Variants in CACNA1C observed in about 807,000 individuals in gnomAD.
The protein encoded by CACNA1C is voltage-dependent L-type calcium channel subunit alpha-1C.
Under a neutral mutation model 229.0 loss-of-function variants are expected in CACNA1C, and 30 were observed. The observed-to-expected ratio is 0.13, with a 90% CI of 0.10 to 0.18. The LOEUF is 0.18. Ranked by LOEUF, CACNA1C falls within the 10% of genes least tolerant of loss-of-function variation. The pLI is 1.00. For synonymous variants in CACNA1C, 1,114 were observed against 1,132.5 expected (o/e 0.98, Z 0.33); for missense variants, 1,658 against 2,845.0 (o/e 0.58, Z 9.49).
intron 29 of CACNA1C, among the ~76,000 whole-genome samples, chr12:2,616,378 G>A (rs115757096): frequency 1.5e-3 from 229 of 152,328 alleles, no homozygotes; most frequent in African/African-American, 5.1e-3. Flanking sequence ...AGAAGTTGAC[G>A]CATATATAGT....
intron 39 of CACNA1C, chr12:2,676,321 G>T (rs954330533): frequency 3.3e-5 from 5 of 151,766 alleles, no homozygotes; most frequent in African/African-American, 1.2e-4. Context: ...GGACAGGTAG[G>T]AGGAGGAGAA....
intron 3 of CACNA1C, among the ~76,000 whole-genome samples, chr12:2,446,346 A>G (rs2099279374): frequency 7.2e-6 from 1 of 139,776 alleles, no homozygotes. Context: ...GGGTATATAT[A>G]TGTATGTATG....
chr12:2,152,492 G>T lies in CACNA1C; in HGVS notation c.477+32062G>T, dbSNP rs890294991. Among the ~76,000 whole-genome samples the T allele has an allele frequency of 1.4e-4, 21 of 152,178 alleles. No homozygotes were observed. Among genetic ancestry groups the T allele is most frequent in the African/African-American group, 5.1e-4 (21 of 41,438 alleles). Reference sequence around the variant, plus strand: ...CCATTTCATATCATGCAGACTAAAAGACCCTTTCCAGGTGCTGGAGCAACC... The same window carrying T: ...CCATTTCATATCATGCAGACTAAAATACCCTTTCCAGGTGCTGGAGCAACC... On this transcript the variant is annotated intron_variant, in intron 3 of 46. Coordinates refer to ENST00000399655, the MANE Select transcript of CACNA1C (RefSeq NM_000719.7). This position sits in a 1 kb window ranked among gnomAD's most constrained non-coding sequence, Gnocchi z 4.2.
At chr12:2,636,400 G>A (rs961673874) in intron 30 of CACNA1C, among the ~76,000 whole-genome samples, 2 of 152,168 alleles carry the variant, frequency 1.3e-5, no homozygotes, top group African/African-American at 4.8e-5. Context: ...GCATTTTCTA[G>A]GATATAAAAT....
intron 1 of CACNA1C, among the ~76,000 whole-genome samples, chr12:2,076,960 T>G (rs2063428887): frequency 6.6e-6 from 1 of 152,234 alleles, no homozygotes; most frequent in Admixed American, 6.5e-5. Context: ...GCTGAAGCAC[T>G]GGCTGGCACG....
intron 3 of CACNA1C, among the ~76,000 whole-genome samples, chr12:2,297,242 T>G (rs948916803): frequency 1.3e-5 from 2 of 152,228 alleles, no homozygotes; most frequent in African/African-American, 4.8e-5. Context: ...GAGCCGTCAC[T>G]GCAGGAGCTG....
chr12:2,418,276 G>T (rs1198799990), intron 3 of CACNA1C, among the ~76,000 whole-genome samples: 1 of 152,132 alleles, frequency 6.6e-6, no homozygotes, highest in African/African-American at 2.4e-5. Flanking sequence ...CTTTGGATGG[G>T]GTCTTCCACA....
chr12:2,052,547 G>T (rs866045938), upstream of CACNA1C, among the ~76,000 whole-genome samples: 1 of 150,018 alleles, frequency 6.7e-6, no homozygotes, highest in Non-Finnish European at 1.5e-5. Flanking sequence ...GAACGCGGGC[G>T]GGGGGCTGCA....
chr12:2,387,536 C>CGAAAGAAAGAAAGAAA (rs145897152), intron 3 of CACNA1C, among the ~76,000 whole-genome samples: 1 of 150,216 alleles, frequency 6.7e-6, no homozygotes, highest in African/African-American at 2.4e-5. Flanking sequence ...GAACTAAGAG[C>CGAAAGAAAGAAAGAAA]GAAAGAAAGA....
At chr12:2,553,143 G>A (rs1225551155) in intron 10 of CACNA1C, among the ~76,000 whole-genome samples, 1 of 152,160 alleles carries the variant, frequency 6.6e-6, no homozygotes, top group Non-Finnish European at 1.5e-5. Context: ...AGCTAGCCCT[G>A]GGATCTTGGC....
At position 2,271,869 on chromosome 12, in the gene CACNA1C, C is replaced by T. The variant is rs566592808; in HGVS notation, c.477+151439C>T. Among the ~76,000 whole-genome samples the T allele has an allele frequency of 3.3e-5, 5 of 152,258 alleles. No individual in the cohort carries two copies. In the East Asian group the frequency reaches 9.6e-4, roughly 29 times the overall value. On this transcript the variant is annotated intron_variant, in intron 3 of 46. Coordinates refer to ENST00000399655, the MANE Select transcript of CACNA1C (RefSeq NM_000719.7). ...TGTGATCACACCACTGTACTCCAGC[C>T]TGGGTGAGAGAGTGAGACTGTCTAA...
chr12:2,305,161 A>G (rs2094913767), intron 3 of CACNA1C, among the ~76,000 whole-genome samples: 1 of 151,982 alleles, frequency 6.6e-6, no homozygotes, highest in Non-Finnish European at 1.5e-5. Context: ...CTGCAGGGCT[A>G]TTTCTTTATT....
chr12:2,547,470 C>A, intron 9 of CACNA1C: 1 of 779,714 alleles, frequency 1.3e-6, no homozygotes, highest in Non-Finnish European at 2.4e-6. Context: ...GGCGGGCATG[C>A]TTGATCAGAA....
intron 10 of CACNA1C, among the ~76,000 whole-genome samples, chr12:2,556,011 C>T (rs2044030233): frequency 6.6e-6 from 1 of 152,178 alleles, no homozygotes; most frequent in South Asian, 2.1e-4. Flanking sequence ...CCTTCTGCTT[C>T]TCCATCTGAA....
rs536521126 is a variant in CACNA1C at position 2,389,970 on chromosome 12, G to A, written c.478-59006G>A. ...GGAATGCCCTCTACTCCCAGGCTGA[G>A]GAAATTAAAGTAGCTAAATTTTTAT... On this transcript the variant is annotated intron_variant, in intron 3 of 46. Coordinates refer to ENST00000399655, the MANE Select transcript of CACNA1C (RefSeq NM_000719.7). Among the ~76,000 whole-genome samples, 7 of 152,250 alleles carry A rather than the reference G, an allele frequency of 4.6e-5. No homozygotes were observed. In the South Asian group the frequency reaches 1.5e-3, roughly 32 times the overall value.
chr12:2,402,182 A>T (rs184040745), intron 3 of CACNA1C, among the ~76,000 whole-genome samples: 36 of 152,378 alleles, frequency 2.4e-4, no homozygotes, highest in African/African-American at 8.2e-4. Context: ...AAGCTAGACA[A>T]TTATCCAAGC....
chr12:2,116,650 ATCT>A (rs111825027), intron 2 of CACNA1C, among the ~76,000 whole-genome samples: 1,951 of 152,142 alleles, frequency 0.013, 49 homozygotes, highest in African/African-American at 0.044. Context: ...TACAGGTGTA[ATCT>A]GCCACCGTGC....
At chr12:2,617,068 A>G (rs2081021563) in intron 29 of CACNA1C, among the ~76,000 whole-genome samples, 1 of 152,222 alleles carries the variant, frequency 6.6e-6, no homozygotes, top group Non-Finnish European at 1.5e-5. Context: ...GGAAAGAGGA[A>G]ATGAAGGCAG....
At chr12:2,401,534 A>T (rs1229459353) in intron 3 of CACNA1C, among the ~76,000 whole-genome samples, 3 of 152,178 alleles carry the variant, frequency 2.0e-5, no homozygotes, top group Non-Finnish European at 2.9e-5. Flanking sequence ...GAGCTAGCAG[A>T]CAGGAGAGCA....
Sources: allele counts gnomAD v4.1 joint callset (sites outside exome capture counted in the v4.1 genomes callset), GRCh38; gene constraint gnomAD v4.1.1; non-coding constraint Gnocchi (gnomAD v3.1); transcripts MANE v1.5; gene names NCBI Gene and HGNC (gene_info 2026-07-23, HGNC 2026-07-21).